The following MARVELD3 variants were observed in gnomAD, a reference collection of about 807,000 sequenced individuals.
MARVELD3 encodes the protein MARVEL domain-containing protein 3.
MARVELD3 carries 28 observed loss-of-function variants against 33.5 expected under a neutral mutation model. That is an observed-to-expected ratio of 0.84 (90% CI 0.62 to 1.15). MARVELD3 has a LOEUF of 1.15. Ranked by LOEUF, MARVELD3 falls within the 50% of genes most tolerant of loss-of-function variation. The pLI is 0.00. For synonymous variants in MARVELD3, 241 were observed against 230.4 expected, an observed-to-expected ratio of 1.05 and a Z score of -0.42; for missense variants, 582 against 547.6, an observed-to-expected ratio of 1.06 and a Z score of -0.63.
intron 1 of MARVELD3, among the ~76,000 whole-genome samples, chr16:71,627,262 G>C (rs949033579): frequency 6.6e-6 from 1 of 152,240 alleles, no homozygotes; most frequent in South Asian, 2.1e-4. Flanking sequence ...CAACACTTTG[G>C]GAGGCCGAGG....
At chr16:71,632,308 T>G (rs2044541164) in intron 2 of MARVELD3, among the ~76,000 whole-genome samples, 2 of 152,236 alleles carry the variant, frequency 1.3e-5, no homozygotes, top group African/African-American at 4.8e-5. Flanking sequence ...CGCATCAAGC[T>G]GTAAGCTTAA....
At position 71,635,603 on chromosome 16, in the gene MARVELD3, T is replaced by C; in HGVS notation, c.*800T>C. The C allele has an allele frequency of 1.0e-6, 1 of 984,674 alleles. No individual in the cohort carries two copies. Among genetic ancestry groups the C allele is most frequent in the Non-Finnish European group, 1.2e-6 (1 of 829,588 alleles). 61.0% of individuals were successfully genotyped at this position (984,674 alleles called of 1,614,324 possible). On this transcript the variant is annotated 3_prime_UTR_variant, in exon 3 of 3. Coordinates refer to ENST00000268485, the MANE Select transcript of MARVELD3 (RefSeq NM_052858.6). The stretch of plus-strand genomic sequence containing the variant: ...GCCTGAGCAACAGACCAAGACCGTA[T>C]TGCCAAAATACCAAAAAAAAAAAAA...
intron 1 of MARVELD3, among the ~76,000 whole-genome samples, chr16:71,628,541 CAA>C (rs34650574): frequency 6.5e-5 from 8 of 122,232 alleles, no homozygotes; most frequent in Non-Finnish European, 8.7e-5. Flanking sequence ...CATCTCAAAA[CAA>C]AAAAAAAAAA....
chr16:71,640,572 A>G, downstream of MARVELD3: 3 of 1,614,160 alleles, frequency 1.9e-6, no homozygotes, highest in Non-Finnish European at 1.7e-6. Context: ...CCAGCAGTAC[A>G]CGATCCTCCG....
At chr16:71,627,526 T>A (rs927408192) in intron 1 of MARVELD3, among the ~76,000 whole-genome samples, 12 of 148,048 alleles carry the variant, frequency 8.1e-5, no homozygotes, top group East Asian at 3.9e-4. Flanking sequence ...AAAAGTCAGA[T>A]GGGAGACGCT....
intron 2 of MARVELD3, among the ~76,000 whole-genome samples, chr16:71,631,857 C>T (rs569875015): frequency 4.6e-5 from 7 of 152,246 alleles, no homozygotes; most frequent in African/African-American, 7.2e-5. Flanking sequence ...GTGTAAAGAT[C>T]GCACTTGAGA....
In MARVELD3 at chr16:71,634,539, G is replaced by A. The variant is rs150498655; in HGVS notation, c.942G>A (p.Ala314=). 6.2e-6 allele frequency: 10 copies of A among 1,613,948 alleles called. No individual in the cohort carries two copies. Among genetic ancestry groups the A allele is most frequent in the Middle Eastern group, 1.6e-4 (1 of 6,062 alleles). The change falls in exon 3 of 3, where the codon GCG becomes GCA. Residue 314 remains alanine, a synonymous_variant. Coordinates refer to ENST00000268485, the MANE Select transcript of MARVELD3 (RefSeq NM_052858.6). ...AAGGCTTGTTGGACATGCTCATCGCGGGGGGGTACATCCCGGCCTTGTACT... is the reference window on the plus strand; with the variant it reads ...AAGGCTTGTTGGACATGCTCATCGCAGGGGGGTACATCCCGGCCTTGTACT... ...VTEGLLDMLI[A]GGYIPALYFY...
In MARVELD3 at chr16:71,636,129, A is replaced by G; in HGVS notation, c.*1326A>G. ...GTCCTTAAGTTATGACTTATGGAAC[A>G]TTACAATATATTCTCGGTCCAAGTG... On this transcript the variant is annotated 3_prime_UTR_variant, in exon 3 of 3. Transcript: ENST00000268485. 1 of 985,270 alleles carries G rather than the reference A, an allele frequency of 1.0e-6. No individual in the cohort carries two copies. The highest frequency in any genetic ancestry group is 4.7e-5 in the South Asian group (1 of 21,282). The allele number at this position is 985,270 out of a possible 1,614,324, so 61.0% of individuals were successfully genotyped here.
chr16:71,638,267 T>G (rs1307509242), downstream of MARVELD3: 2 of 152,214 alleles, frequency 1.3e-5, no homozygotes, highest in Non-Finnish European at 2.9e-5. Flanking sequence ...TGGGTTCCTT[T>G]CAGTCCAAAT....
At chr16:71,632,401 A>C (rs939403207) in intron 2 of MARVELD3, among the ~76,000 whole-genome samples, 9 of 152,182 alleles carry the variant, frequency 5.9e-5, no homozygotes, top group African/African-American at 2.2e-4. Flanking sequence ...GTCCAAGATA[A>C]AGAAGCCAAG....
At position 71,626,416 on chromosome 16, in the gene MARVELD3, C is replaced by G; in HGVS notation, c.187C>G (p.Gln63Glu). 2 of 1,546,570 alleles carry G rather than the reference C, an allele frequency of 1.3e-6. No homozygotes were observed. The highest frequency in any genetic ancestry group is 4.9e-5 in the East Asian group (2 of 40,842). Reference protein sequence around the residue: ...RDGDRDPERDQERDGNRDRNR... With the variant: ...RDGDRDPERDEERDGNRDRNR... Reference sequence around the variant, plus strand: ...CGGGGACCGGGACCCGGAGAGAGACCAGGAGAGGGACGGGAACCGCGACCG... The same window carrying G: ...CGGGGACCGGGACCCGGAGAGAGACGAGGAGAGGGACGGGAACCGCGACCG... Residue 63 changes from glutamine to glutamate, a missense_variant, in exon 1 of 3, where the codon CAG becomes GAG. Coordinates refer to ENST00000268485, the MANE Select transcript of MARVELD3 (RefSeq NM_052858.6). This position sits in a 1 kb window ranked among gnomAD's most constrained non-coding sequence, Gnocchi z 5.3.
At chr16:71,631,593 G>A (rs908550234) in intron 2 of MARVELD3, among the ~76,000 whole-genome samples, 17 of 152,018 alleles carry the variant, frequency 1.1e-4, no homozygotes, top group Admixed American at 3.9e-4. Context: ...GGGAGGTAGC[G>A]CGTGCCACCA....
chr16:71,631,978 G>A (rs1385023820), intron 2 of MARVELD3, among the ~76,000 whole-genome samples: 1 of 152,174 alleles, frequency 6.6e-6, no homozygotes, highest in Non-Finnish European at 1.5e-5. Flanking sequence ...TTGACAGGCC[G>A]ACGTTGGCAG....
downstream of MARVELD3, chr16:71,638,795 ATATG>A (rs1203355969): frequency 6.6e-6 from 1 of 152,170 alleles, no homozygotes; most frequent in Non-Finnish European, 1.5e-5. Context: ...ACCTGCACAC[ATATG>A]TATGTGTTTG....
chr16:71,627,225 C>G (rs974541360), intron 1 of MARVELD3, among the ~76,000 whole-genome samples: 1 of 152,276 alleles, frequency 6.6e-6, no homozygotes, highest in East Asian at 1.9e-4. Context: ...ACAGGTGGGC[C>G]GGCGCGGTGG....
downstream of MARVELD3, chr16:71,641,304 A>C: frequency 4.1e-5 from 14 of 339,642 alleles, no homozygotes; most frequent in East Asian, 6.5e-5. Flanking sequence ...AATACAAAAA[A>C]TCGCCGGGCA....
downstream of MARVELD3, chr16:71,640,264 CAAA>C (rs370433791): frequency 1.2e-3 from 1,030 of 883,380 alleles, no homozygotes; most frequent in Middle Eastern, 1.9e-3. Flanking sequence ...GACACCGTCT[CAAA>C]AAAAAAAAAA....
Position 71,635,260 on chromosome 16 carries a change from C to T in MARVELD3, c.*457C>T, listed in dbSNP as rs1016285326. ...AGGAGAATCGCTTGAATCTGGGAGG[C>T]GGAGATTGCAGTGAGCCGAGATCCC... On this transcript the variant is annotated 3_prime_UTR_variant, in exon 3 of 3. Transcript: ENST00000268485. The T allele has an allele frequency of 1.3e-5, 12 of 889,842 alleles. No individual in the cohort carries two copies. The highest frequency in any genetic ancestry group is 5.5e-5 in the African/African-American group (3 of 54,110). 55.1% of individuals were successfully genotyped at this position (889,842 alleles called of 1,614,324 possible).
downstream of MARVELD3, chr16:71,640,280 A>AAT: frequency 1.6e-6 from 2 of 1,265,682 alleles, no homozygotes; most frequent in African/African-American, 1.5e-5. Context: ...AAAAAAAAAA[A>AAT]GTTGACATTG....
Sources: gnomAD v4.1 joint callset for allele counts (sites outside exome capture counted in the v4.1 genomes callset) on GRCh38, gnomAD v4.1.1 for gene constraint, Gnocchi (gnomAD v3.1) non-coding constraint, MANE v1.5 for transcripts, NCBI Gene and HGNC (gene_info 2026-07-23, HGNC 2026-07-21) for gene names.